The following HINT3 variants were observed in gnomAD, a reference collection of about 807,000 sequenced individuals.
The protein encoded by HINT3 is adenosine 5'-monophosphoramidase HINT3.
In HINT3, 16 loss-of-function variants were observed where a neutral mutation model predicts 19.1. That is an observed-to-expected ratio of 0.84 (90% CI 0.57 to 1.27). The LOEUF (loss-of-function observed/expected upper bound fraction) is 1.27. Among genes scored for constraint, HINT3 ranks in the 50% most tolerant of loss-of-function variants. The pLI, the probability that HINT3 is intolerant of heterozygous loss-of-function variation, is 0.00. For synonymous variants in HINT3, 75 were observed against 84.8 expected (o/e 0.88, Z 0.63); for missense variants, 197 against 225.8 (o/e 0.87, Z 0.82).
chr6:125,961,887 C>T (rs966068559), intron 1 of HINT3, among the ~76,000 whole-genome samples: 8 of 151,964 alleles, frequency 5.3e-5, no homozygotes, highest in Non-Finnish European at 1.0e-4. Flanking sequence ...TTCTTGGCCT[C>T]TCTGTGAAGC....
At chr6:125,972,388 AT>A in intron 3 of HINT3, 60 bp downstream of exon 3, 1 of 1,040,586 alleles carries the variant, frequency 9.6e-7, no homozygotes. Flanking sequence ...TCAAAATGTC[AT>A]TTCTCCATGG....
Position 125,967,024 on chromosome 6 carries a change from CTTCATGTTTAT to C in HINT3, c.319+21_319+31del. ...AACTGGGTAAGATGATGGCAGTATT[CTTCATGTTTAT>C]ATCATTTTCAGTTGGTATCAGTGAT... On this transcript the variant is annotated intron_variant, in intron 2 of 4. Transcript: ENST00000229633. 2 of 1,409,300 alleles carry C rather than the reference CTTCATGTTTAT, an allele frequency of 1.4e-6. No homozygotes were observed. Among genetic ancestry groups the C allele is most frequent in the South Asian group, 2.4e-5 (2 of 83,890 alleles). 87.3% of individuals were successfully genotyped at this position (1,409,300 alleles called of 1,614,324 possible). A position where few individuals can be genotyped will look rare whatever the true frequency, so the allele number is the denominator to read the frequency against.
intron 2 of HINT3, 134 bp downstream of exon 2, chr6:125,967,138 A>C: frequency 1.8e-6 from 1 of 544,604 alleles, no homozygotes; most frequent in South Asian, 3.0e-5. Flanking sequence ...AATTTTCACT[A>C]TAAAGAATTT....
At chr6:125,963,909 C>T (rs1788980366) in intron 1 of HINT3, among the ~76,000 whole-genome samples, 1 of 152,150 alleles carries the variant, frequency 6.6e-6, no homozygotes, top group South Asian at 2.1e-4. Flanking sequence ...ATCTCTGTTC[C>T]TGGAAAAATA....
In HINT3 at chr6:125,974,937, G is replaced by T. The variant is rs1350552571; in HGVS notation, c.480G>T (p.Lys160Asn). The change falls in exon 4 of 5, where the codon AAG (lysine) becomes AAT (asparagine). Residue 160 changes from lysine to asparagine, a missense_variant. By Grantham distance (94) the Lys-to-Asn change is moderately conservative. Coordinates refer to ENST00000229633, the MANE Select transcript of HINT3 (RefSeq NM_138571.5). ...TGGATCAGCTTGGCTTCTTATCCAAGTTGGTTTATAGAGTCAATTCCTATT... is the reference window on the plus strand; with the variant it reads ...TGGATCAGCTTGGCTTCTTATCCAATTTGGTTTATAGAGTCAATTCCTATT... Reference protein sequence around the residue: ...APVDQLGFLSKLVYRVNSYWF... With the variant: ...APVDQLGFLSNLVYRVNSYWF... 6.2e-7 allele frequency: 1 copy of T among 1,613,980 alleles called. No homozygotes were observed. Among genetic ancestry groups the T allele is most frequent in the South Asian group, 1.1e-5 (1 of 91,076 alleles).
chr6:125,957,746 C>T (rs761164678), intron 1 of HINT3, among the ~76,000 whole-genome samples: 2 of 152,074 alleles, frequency 1.3e-5, no homozygotes, highest in Non-Finnish European at 2.9e-5. Flanking sequence ...AGTTGGGATG[C>T]GTGGACATTT....
At chr6:125,959,429 G>T (rs1386819620) in intron 1 of HINT3, among the ~76,000 whole-genome samples, 1 of 152,232 alleles carries the variant, frequency 6.6e-6, no homozygotes, top group Non-Finnish European at 1.5e-5. Flanking sequence ...AATGTCAGCA[G>T]CAATATTAGC....
At chr6:125,972,493 C>T (rs147966956) in intron 3 of HINT3, among the ~76,000 whole-genome samples, 165 bp downstream of exon 3, 142 of 152,286 alleles carry the variant, frequency 9.3e-4, no homozygotes, top group Middle Eastern at 3.4e-3. Flanking sequence ...AATAAAACTT[C>T]CTCTTGTGTC....
At chr6:125,962,902 T>A (rs1293661223) in intron 1 of HINT3, among the ~76,000 whole-genome samples, 1 of 151,886 alleles carries the variant, frequency 6.6e-6, no homozygotes, top group Non-Finnish European at 1.5e-5. Context: ...GGTATTAAAA[T>A]CTCATGGAGA....
At chr6:125,962,414 A>C (rs921969057) in intron 1 of HINT3, among the ~76,000 whole-genome samples, 1 of 150,678 alleles carries the variant, frequency 6.6e-6, no homozygotes, top group Non-Finnish European at 1.5e-5. Flanking sequence ...ATCTTTTTCA[A>C]ATTGAATCTA....
Position 125,979,394 on chromosome 6 carries a change from T to C in HINT3, c.*1718T>C, listed in dbSNP as rs1286409570. 2.0e-5 allele frequency: 3 copies of C among 152,202 alleles called. No individual in the cohort carries two copies. The highest frequency in any genetic ancestry group is 7.2e-5 in the African/African-American group (3 of 41,448). The allele number at this position is 152,202 out of a possible 1,614,324, so 9.4% of individuals were successfully genotyped here. Reference sequence around the variant, plus strand: ...CTTCAGGGAAGGAATTTTCAACAACTGCAATCTTTGATTGTTTTACTGTGG... The same window carrying C: ...CTTCAGGGAAGGAATTTTCAACAACCGCAATCTTTGATTGTTTTACTGTGG... On this transcript the variant is annotated 3_prime_UTR_variant, in exon 5 of 5. Coordinates refer to ENST00000229633, the MANE Select transcript of HINT3 (RefSeq NM_138571.5).
chr6:125,973,481 C>A (rs1789138679), intron 3 of HINT3, among the ~76,000 whole-genome samples: 1 of 152,146 alleles, frequency 6.6e-6, no homozygotes, highest in Non-Finnish European at 1.5e-5. Context: ...ACTTCTAACA[C>A]TTTTGACCTA....
intron 3 of HINT3, among the ~76,000 whole-genome samples, chr6:125,973,921 G>C (rs1789144449): frequency 1.3e-5 from 2 of 152,202 alleles, no homozygotes; most frequent in Admixed American, 1.3e-4. Context: ...GTTGCTTCAA[G>C]CTTCTAGATT....
At chr6:125,959,910 T>A (rs1788893084) in intron 1 of HINT3, among the ~76,000 whole-genome samples, 1 of 152,182 alleles carries the variant, frequency 6.6e-6, no homozygotes, top group Non-Finnish European at 1.5e-5. Flanking sequence ...CTCCTTGCCC[T>A]TGTGGAGCTC....
intron 1 of HINT3, among the ~76,000 whole-genome samples, chr6:125,958,744 T>G (rs1485779743): frequency 2.0e-5 from 3 of 152,190 alleles, no homozygotes; most frequent in Non-Finnish European, 2.9e-5. Flanking sequence ...CTGGCACTTC[T>G]AGGGGTTGCT....
intron 4 of HINT3, among the ~76,000 whole-genome samples, 197 bp downstream of exon 4, chr6:125,975,170 C>G (rs1789163667): frequency 1.3e-5 from 2 of 152,158 alleles, no homozygotes; most frequent in Admixed American, 1.3e-4. Context: ...GGAAGAGAAG[C>G]TATGGCTAAA....
Position 125,977,781 on chromosome 6 carries a change from G to C in HINT3, c.*105G>C. Reference sequence around the variant, plus strand: ...TTTTAAGATTTGTTGGGTTTTATGAGAGGCTGTTACTTAGTGGCCTTAAAT... The same window carrying C: ...TTTTAAGATTTGTTGGGTTTTATGACAGGCTGTTACTTAGTGGCCTTAAAT... On this transcript the variant is annotated 3_prime_UTR_variant, in exon 5 of 5. Transcript: ENST00000229633. 1 of 629,636 alleles carries C rather than the reference G, an allele frequency of 1.6e-6. No homozygotes were observed. The highest frequency in any genetic ancestry group is 2.8e-6 in the Non-Finnish European group (1 of 362,944). 39.0% of individuals were successfully genotyped at this position (629,636 alleles called of 1,614,324 possible).
chr6:125,963,249 T>C (rs1356598820), intron 1 of HINT3, among the ~76,000 whole-genome samples: 1 of 152,120 alleles, frequency 6.6e-6, no homozygotes, highest in African/African-American at 2.4e-5. Flanking sequence ...TTGACATCCG[T>C]GAAGCTAGTG....
intron 1 of HINT3, among the ~76,000 whole-genome samples, 192 bp from the exon 2 acceptor site, chr6:125,966,695 C>CA (rs1789022127): frequency 6.6e-6 from 1 of 152,062 alleles, no homozygotes; most frequent in Admixed American, 6.5e-5. Context: ...TTTTTATTCT[C>CA]TGGAATCAAT....
Sources: allele counts gnomAD v4.1 joint callset (sites outside exome capture counted in the v4.1 genomes callset), GRCh38; gene constraint gnomAD v4.1.1; transcripts MANE v1.5; gene names NCBI Gene and HGNC (gene_info 2026-07-23, HGNC 2026-07-21).